HS1BP3: variants seen among roughly 807,000 people sequenced by gnomAD.
HS1BP3 encodes HCLS1-binding protein 3.
In HS1BP3, 32 loss-of-function variants were observed where a neutral mutation model predicts 33.5. That is an observed-to-expected ratio of 0.95 (90% confidence interval 0.72 to 1.28). HS1BP3 has a LOEUF of 1.28. Ranked by LOEUF, HS1BP3 falls within the 50% of genes most tolerant of loss-of-function variation. The pLI is 0.00. For synonymous variants in HS1BP3, 187 were observed against 209.2 expected (o/e 0.89, Z 0.92); for missense variants, 486 against 502.3 (o/e 0.97, Z 0.31).
chr2:20,642,190 T>C (rs1000405570), intron 2 of HS1BP3, among the ~76,000 whole-genome samples: 13 of 152,252 alleles, frequency 8.5e-5, no homozygotes, highest in African/African-American at 2.9e-4. Context: ...AGGCCCGGAC[T>C]GTGCCCACAG....
At chr2:20,608,788 T>TC (rs946794482) in intron 2 of HS1BP3, among the ~76,000 whole-genome samples, 7 of 152,022 alleles carry the variant, frequency 4.6e-5, no homozygotes, top group Non-Finnish European at 8.8e-5. Context: ...CATCCTCTAG[T>TC]CCCCACCTCT....
At chr2:20,608,780 T>A (rs1694255177) in intron 2 of HS1BP3, among the ~76,000 whole-genome samples, 1 of 152,036 alleles carries the variant, frequency 6.6e-6, no homozygotes, top group Non-Finnish European at 1.5e-5. Context: ...CACACTCACA[T>A]CCTCTAGTCC....
At chr2:20,632,105 C>T (rs1694986964) in intron 4 of HS1BP3, among the ~76,000 whole-genome samples, 1 of 152,264 alleles carries the variant, frequency 6.6e-6, no homozygotes, top group Admixed American at 6.5e-5. Flanking sequence ...TGCCCCACTT[C>T]TCATTGGCTG....
downstream of HS1BP3, among the ~76,000 whole-genome samples, chr2:20,589,429 C>T (rs530007691): frequency 2.0e-5 from 3 of 152,276 alleles, no homozygotes; most frequent in East Asian, 5.8e-4. Flanking sequence ...TCACATGTTC[C>T]CTGTCACTGA....
intron 2 of HS1BP3, among the ~76,000 whole-genome samples, chr2:20,642,208 C>T (rs1393416140): frequency 1.3e-5 from 2 of 152,242 alleles, no homozygotes; most frequent in Non-Finnish European, 2.9e-5. Flanking sequence ...CAGTGTGCCA[C>T]TGGAGTGCTG....
chr2:20,570,071 T>G (rs569316230), intron 5 of HS1BP3, among the ~76,000 whole-genome samples: 24 of 152,258 alleles, frequency 1.6e-4, no homozygotes, highest in African/African-American at 5.8e-4. Flanking sequence ...CCCACCTGAA[T>G]CAGTCTACTC....
downstream of HS1BP3, among the ~76,000 whole-genome samples, chr2:20,588,994 G>A (rs1353911532): frequency 1.3e-5 from 2 of 152,154 alleles, no homozygotes; most frequent in African/African-American, 2.4e-5. Context: ...CCACTGAGTC[G>A]GCAGGGCTGG....
rs187775389 is a variant in HS1BP3, at chr2:20,585,331, A to G, written c.303-24816T>C. 3.9e-3 allele frequency among the ~76,000 whole-genome samples: 601 copies of G among 152,332 alleles called. 5 individuals carry two copies. The highest frequency in any genetic ancestry group is 0.01 in the Middle Eastern group (3 of 294). On this transcript the variant is annotated intron_variant, in intron 5 of 5. Coordinates refer to the HS1BP3 transcript ENST00000446825. ...CCATATGCCCCCATTTGCCTGGGACAATCCTGGGTTACTAATACAATGATC... is the reference window on the plus strand; with the variant it reads ...CCATATGCCCCCATTTGCCTGGGACGATCCTGGGTTACTAATACAATGATC...
At chr2:20,643,068 A>G (rs890949880) in intron 2 of HS1BP3, among the ~76,000 whole-genome samples, 1 of 152,246 alleles carries the variant, frequency 6.6e-6, no homozygotes, top group Non-Finnish European at 1.5e-5. Flanking sequence ...TAATTCATGA[A>G]ACATCAAAGA....
chr2:20,599,609 AACACACACACAC>A (rs59149167), intron 2 of HS1BP3, among the ~76,000 whole-genome samples: 22 of 136,258 alleles, frequency 1.6e-4, no homozygotes, highest in African/African-American at 2.5e-4. Flanking sequence ...CTTCTTGTGT[AACACACACACAC>A]ACACACACAC....
At chr2:20,640,562 G>A in intron 3 of HS1BP3, 1 of 443,524 alleles carries the variant, frequency 2.3e-6, no homozygotes, top group Non-Finnish European at 4.0e-6. Context: ...CAGCCAGGCT[G>A]TGAGAACACA....
chr2:20,622,401 A>G, intron 6 of HS1BP3: 5 of 1,120,824 alleles, frequency 4.5e-6, no homozygotes, highest in Non-Finnish European at 6.0e-6. Context: ...CGGGACCCAC[A>G]CTTTTTGAGC....
Position 20,594,660 on chromosome 2 carries a change from C to T in HS1BP3, c.*13-1866G>A, listed in dbSNP as rs182490960. Reference sequence around the variant, plus strand: ...CTCTGAGACTCGCTGGAAGTGAGGTCCCCTATCTCAATCCATTCAGGCTGC... The same window carrying T: ...CTCTGAGACTCGCTGGAAGTGAGGTTCCCTATCTCAATCCATTCAGGCTGC... On this transcript the variant is annotated intron_variant, in intron 3 of 3. Transcript: ENST00000415264. Among the ~76,000 whole-genome samples the T allele has an allele frequency of 1.8e-3, 275 of 152,262 alleles. 1 individual carries two copies. The highest frequency in any genetic ancestry group is 3.1e-3 in the Non-Finnish European group (214 of 68,024).
At chr2:20,630,062 A>G (rs953680051) in intron 4 of HS1BP3, among the ~76,000 whole-genome samples, 3 of 152,256 alleles carry the variant, frequency 2.0e-5, no homozygotes, top group Non-Finnish European at 2.9e-5. Flanking sequence ...TCCTAGACAC[A>G]GCCAGCTTAA....
At chr2:20,645,563 C>A in intron 1 of HS1BP3, 58 bp from the exon 2 acceptor site, 1 of 1,538,270 alleles carries the variant, frequency 6.5e-7, no homozygotes, top group Non-Finnish European at 8.7e-7. Flanking sequence ...GCTTCCCGAG[C>A]AAAGTGCAGG....
At chr2:20,588,612 C>A (rs1476169605), downstream of HS1BP3, among the ~76,000 whole-genome samples, 1 of 152,194 alleles carries the variant, frequency 6.6e-6, no homozygotes, top group African/African-American at 2.4e-5. Flanking sequence ...CACAGGTGAA[C>A]CACCACGCCC....
At chr2:20,636,907 G>C (rs10495708) in intron 4 of HS1BP3, 34,013 of 152,094 alleles carry the variant, frequency 0.22, 4,310 homozygotes, top group Non-Finnish European at 0.29. Context: ...CTTGTCACAC[G>C]GGTCCTTAAA....
At chr2:20,619,288 C>A in intron 6 of HS1BP3, 43 bp from the exon 7 acceptor site, 3 of 1,486,536 alleles carry the variant, frequency 2.0e-6, no homozygotes, top group Non-Finnish European at 2.7e-6. Flanking sequence ...ACACTGCCAC[C>A]CCGTGACAGG....
chr2:20,587,206 G>A lies in HS1BP3; in HGVS notation c.303-26691C>T, dbSNP rs116225814. Among the ~76,000 whole-genome samples, 851 of 152,256 alleles carry A rather than the reference G, an allele frequency of 5.6e-3. 11 individuals are homozygous for A. Among genetic ancestry groups the A allele is most frequent in the African/African-American group, 0.019 (800 of 41,536 alleles). On this transcript the variant is annotated intron_variant, in intron 5 of 5. Coordinates refer to the HS1BP3 transcript ENST00000446825. ...TAAATACATTATGATATGTCTGTACGATCATAGGACACAGTCATTTAAAGT... is the reference window on the plus strand; with the variant it reads ...TAAATACATTATGATATGTCTGTACAATCATAGGACACAGTCATTTAAAGT...
Sources: gnomAD v4.1 joint callset for allele counts (sites outside exome capture counted in the v4.1 genomes callset) on GRCh38, gnomAD v4.1.1 for gene constraint, MANE v1.5 for transcripts, NCBI Gene and HGNC (gene_info 2026-07-23, HGNC 2026-07-21) for gene names.